IQCH: variants seen among roughly 807,000 people sequenced by gnomAD.
The protein encoded by IQCH is IQ motif containing H, also known as IQ domain-containing protein H.
Under a neutral mutation model 117.0 loss-of-function variants are expected in IQCH, and 98 were observed. That is an observed-to-expected ratio of 0.84 (90% CI 0.71 to 0.99). The LOEUF (loss-of-function observed/expected upper bound fraction) is 0.99. Ranked by LOEUF, IQCH falls within the 50% of genes least tolerant of loss-of-function variation. IQCH has a pLI of 0.00. For synonymous variants in IQCH, 412 were observed against 448.2 expected, an observed-to-expected ratio of 0.92 and a Z score of 1.02; for missense variants, 1,102 against 1,243.8, an observed-to-expected ratio of 0.89 and a Z score of 1.72.
At chr15:67,452,126 G>T (rs917181308) in intron 16 of IQCH, among the ~76,000 whole-genome samples, 1 of 152,128 alleles carries the variant, frequency 6.6e-6, no homozygotes, top group Admixed American at 6.5e-5. Flanking sequence ...GTGCCTGCAC[G>T]TGAGATGGGT....
At chr15:67,258,299 G>A (rs887322913) in intron 1 of IQCH, among the ~76,000 whole-genome samples, 10 of 152,064 alleles carry the variant, frequency 6.6e-5, no homozygotes, top group African/African-American at 2.2e-4. Flanking sequence ...GGAGGCCGAG[G>A]CGGGAGAATC....
chr15:67,461,350 G>A (rs775345345), intron 16 of IQCH, among the ~76,000 whole-genome samples: 24 of 152,214 alleles, frequency 1.6e-4, no homozygotes, highest in Non-Finnish European at 2.4e-4. Context: ...TTTCCTAAAA[G>A]TTACGGAAGA....
At chr15:67,277,529 T>A (rs1966172905) in intron 3 of IQCH, among the ~76,000 whole-genome samples, 1 of 117,016 alleles carries the variant, frequency 8.5e-6, no homozygotes, top group Non-Finnish European at 1.8e-5. Flanking sequence ...TCCTCCAGTA[T>A]CTTTTTTTTT....
intron 3 of IQCH, among the ~76,000 whole-genome samples, chr15:67,268,725 T>C (rs1965776646): frequency 6.6e-6 from 1 of 152,160 alleles, no homozygotes; most frequent in Non-Finnish European, 1.5e-5. Flanking sequence ...ATCCTATCTA[T>C]TCTGGGCTGT....
At position 67,476,618 on chromosome 15, in the gene IQCH, A is replaced by G. The variant is rs988279828; in HGVS notation, c.2799+800A>G. ...TTCCAATGATACCGGGGGCCCCTGC[A>G]TAGCTGCTTTATCCTGATGTAGCTG... On this transcript the variant is annotated intron_variant, in intron 18 of 20. Coordinates refer to ENST00000335894, the MANE Select transcript of IQCH (RefSeq NM_001031715.3). The surrounding 1 kb of genome is among the most constrained non-coding windows in gnomAD (Gnocchi z 4.1). Among the ~76,000 whole-genome samples the G allele has an allele frequency of 6.6e-6, 1 of 152,170 alleles. No homozygotes were observed. The highest frequency in any genetic ancestry group is 1.5e-5 in the Non-Finnish European group (1 of 68,026).
chr15:67,439,266 A>T (rs980026526), intron 16 of IQCH, among the ~76,000 whole-genome samples: 27 of 152,218 alleles, frequency 1.8e-4, no homozygotes, highest in Non-Finnish European at 3.8e-4. Flanking sequence ...CTGCAAAACC[A>T]TGCAAATACA....
intron 3 of IQCH, among the ~76,000 whole-genome samples, chr15:67,269,641 TCCC>T (rs1242972584): frequency 6.6e-6 from 1 of 151,860 alleles, no homozygotes; most frequent in Non-Finnish European, 1.5e-5. Context: ...CCACCCCTCA[TCCC>T]TCTCCTCCTT....
intron 4 of IQCH, among the ~76,000 whole-genome samples, chr15:67,320,874 G>C (rs75304771): frequency 6.6e-6 from 1 of 152,262 alleles, no homozygotes; most frequent in East Asian, 1.9e-4. Flanking sequence ...TGAGGTTAAA[G>C]ATAGTCAGAC....
Position 67,432,701 on chromosome 15 carries a change from G to A in IQCH, c.2505+11124G>A, listed in dbSNP as rs2082045427. ...CTGAGCATTATCATCATCTCAAAGT[G>A]ATATATAAGCATCAAAAATGAATAC... On this transcript the variant is annotated intron_variant, in intron 16 of 20. Transcript: ENST00000335894. This position sits in a 1 kb window ranked among gnomAD's most constrained non-coding sequence, Gnocchi z 5.0. Among the ~76,000 whole-genome samples, 1 of 152,130 alleles carries A rather than the reference G, an allele frequency of 6.6e-6. No homozygotes were observed. Among genetic ancestry groups the A allele is most frequent in the African/African-American group, 2.4e-5 (1 of 41,420 alleles).
At position 67,457,201 on chromosome 15, in the gene IQCH, T is replaced by G. The variant is rs1055818150; in HGVS notation, c.2506-7926T>G. Among the ~76,000 whole-genome samples the G allele has an allele frequency of 1.3e-5, 2 of 152,230 alleles. No homozygotes were observed. The highest frequency in any genetic ancestry group is 2.9e-5 in the Non-Finnish European group (2 of 68,036). On this transcript the variant is annotated intron_variant, in intron 16 of 20. Coordinates refer to ENST00000335894, the MANE Select transcript of IQCH (RefSeq NM_001031715.3). This position sits in a 1 kb window ranked among gnomAD's most constrained non-coding sequence, Gnocchi z 5.7. ...GAGGGCCTATTGCATTTTAATGTTATGCAAACAACTCTTACCAAATACCAT... is the reference window on the plus strand; with the variant it reads ...GAGGGCCTATTGCATTTTAATGTTAGGCAAACAACTCTTACCAAATACCAT...
At chr15:67,484,141 C>T (rs2083410819) in intron 18 of IQCH, among the ~76,000 whole-genome samples, 1 of 152,144 alleles carries the variant, frequency 6.6e-6, no homozygotes, top group African/African-American at 2.4e-5. Context: ...GTGGTTTATG[C>T]CTGTAATCCC....
intron 4 of IQCH, among the ~76,000 whole-genome samples, chr15:67,313,733 A>G (rs1229933355): frequency 6.6e-6 from 1 of 152,128 alleles, no homozygotes; most frequent in Non-Finnish European, 1.5e-5. Flanking sequence ...CAACTGTGTG[A>G]TTTTCAGTCA....
chr15:67,338,870 C>T lies in IQCH; in HGVS notation c.508+1775C>T, dbSNP rs566561068. On this transcript the variant is annotated intron_variant, in intron 5 of 20. Transcript: ENST00000335894. ...TCTCCATTTCTCATCTCACTCAGCT[C>T]TCTCTATACTTAGCCACCTAGGCCT... 2.0e-5 allele frequency among the ~76,000 whole-genome samples: 3 copies of T among 152,274 alleles called. No individual in the cohort carries two copies. In the East Asian group the frequency reaches 5.8e-4, roughly 29 times the overall value.
chr15:67,499,297 C>CAAAAAAAAAAAAAAAAAAAAAAAAAAAA (rs59618730), intron 20 of IQCH, among the ~76,000 whole-genome samples: 4 of 49,148 alleles, frequency 8.1e-5, no homozygotes, highest in African/African-American at 3.3e-4. Context: ...AGACCTGTCC[C>CAAAAAAAAAAAAAAAAAAAAAAAAAAAA]AAAAAAAAAA....
chr15:67,314,211 G>A (rs1043508321), intron 4 of IQCH, among the ~76,000 whole-genome samples: 2 of 151,878 alleles, frequency 1.3e-5, no homozygotes, highest in African/African-American at 4.8e-5. Flanking sequence ...GGACTTGTTG[G>A]GCAAGAGAAG....
Position 67,445,612 on chromosome 15 carries a change from T to C in IQCH, c.2506-19515T>C, listed in dbSNP as rs2082374206. ...TGCCACCACACCAGGCTAATTTTTA[T>C]ATTTTTAGTAGAGACAGGGTTTCAC... On this transcript the variant is annotated intron_variant, in intron 16 of 20. Coordinates refer to ENST00000335894, the MANE Select transcript of IQCH (RefSeq NM_001031715.3). The surrounding 1 kb of genome is among the most constrained non-coding windows in gnomAD (Gnocchi z 4.3). Among the ~76,000 whole-genome samples the C allele has an allele frequency of 6.6e-6, 1 of 152,152 alleles. No individual in the cohort carries two copies. The highest frequency in any genetic ancestry group is 6.5e-5 in the Admixed American group (1 of 15,278).
At position 67,453,282 on chromosome 15, in the gene IQCH, T is replaced by C. The variant is rs1294423541; in HGVS notation, c.2506-11845T>C. Among the ~76,000 whole-genome samples the C allele has an allele frequency of 2.6e-5, 4 of 152,194 alleles. No individual in the cohort carries two copies. The highest frequency in any genetic ancestry group is 4.8e-5 in the African/African-American group (2 of 41,436). The stretch of plus-strand genomic sequence containing the variant: ...GTTGCTGGTGAGGAGCTGCGTTCCT[T>C]TGGAGGAGGAGAGGCGCTCTGCTTT... On this transcript the variant is annotated intron_variant, in intron 16 of 20. Transcript: ENST00000335894. This position sits in a 1 kb window ranked among gnomAD's most constrained non-coding sequence, Gnocchi z 5.8.
chr15:67,485,604 C>T (rs950986586), intron 18 of IQCH, among the ~76,000 whole-genome samples: 1 of 152,166 alleles, frequency 6.6e-6, no homozygotes, highest in Non-Finnish European at 1.5e-5. Context: ...AGGAAAATCA[C>T]ACCTGGGAAC....
intron 3 of IQCH, among the ~76,000 whole-genome samples, chr15:67,264,213 C>T (rs559666149): frequency 1.3e-5 from 2 of 152,358 alleles, no homozygotes; most frequent in Non-Finnish European, 2.9e-5. Context: ...TCCTTGCAGA[C>T]ATAAACATCT....
Sources: allele counts gnomAD v4.1 joint callset (sites outside exome capture counted in the v4.1 genomes callset), GRCh38; gene constraint gnomAD v4.1.1; non-coding constraint Gnocchi (gnomAD v3.1); transcripts MANE v1.5; gene names NCBI Gene and HGNC (gene_info 2026-07-23, HGNC 2026-07-21).